SC5D: variants seen among roughly 807,000 people sequenced by gnomAD.
The protein encoded by SC5D is sterol-C5-desaturase.
SC5D carries 21 observed loss-of-function variants against 23.9 expected under a neutral mutation model. The ratio of observed to expected loss-of-function variants is 0.88; its 90% CI spans 0.62 to 1.26. The LOEUF (loss-of-function observed/expected upper bound fraction) is 1.26, where lower values mean the gene tolerates loss of function less well. Among genes scored for constraint, SC5D ranks in the 50% most tolerant of loss-of-function variants. SC5D has a pLI of 0.00. For missense variants in SC5D, 309 were observed against 364.8 expected, an observed-to-expected ratio of 0.85 and a Z score of 1.25; for synonymous variants, 113 against 125.9, an observed-to-expected ratio of 0.90 and a Z score of 0.68.
chr11:121,299,087 T>C (rs1292242222), intron 1 of SC5D, among the ~76,000 whole-genome samples: 4 of 152,220 alleles, frequency 2.6e-5, no homozygotes, highest in Admixed American at 6.5e-5. Flanking sequence ...AAGATAGTAA[T>C]AACTACATGA....
At position 121,307,263 on chromosome 11, in the gene SC5D, A is replaced by C. The variant is rs373065072; in HGVS notation, c.651A>C (p.Gln217His). The change falls in exon 5 of 5, where the codon CAA becomes CAC. Residue 217 changes from glutamine (Q) to histidine (H), a missense_variant. Gln to His is a conservative substitution (Grantham distance 24). Transcript: ENST00000264027. ...ATGACGGTGATTTTCGTGTCCCCCAAATCTTACAGCCATTTATTAATGGCT... is the reference window on the plus strand; with the variant it reads ...ATGACGGTGATTTTCGTGTCCCCCACATCTTACAGCCATTTATTAATGGCT... ...SIHDGDFRVP[Q>H]ILQPFINGSA... The C allele has an allele frequency of 6.2e-7, 1 of 1,613,998 alleles. No homozygotes were observed. Among genetic ancestry groups the C allele is most frequent in the Non-Finnish European group, 8.5e-7 (1 of 1,180,014 alleles).
intron 1 of SC5D, among the ~76,000 whole-genome samples, chr11:121,299,916 A>G (rs1224878129): frequency 2.0e-5 from 3 of 152,204 alleles, no homozygotes; most frequent in Non-Finnish European, 4.4e-5. Flanking sequence ...TAAATAATAA[A>G]AAAGAACCAA....
chr11:121,303,728 C>A, intron 2 of SC5D, 143 bp downstream of exon 2: 1 of 646,224 alleles, frequency 1.5e-6, no homozygotes, highest in Non-Finnish European at 2.7e-6. Flanking sequence ...TAGATATTTT[C>A]ATGAGGGTTA....
chr11:121,302,473 GA>G (rs770651990), intron 1 of SC5D, among the ~76,000 whole-genome samples: 443 of 152,292 alleles, frequency 2.9e-3, no homozygotes, highest in Non-Finnish European at 3.8e-3. Context: ...GTATAGAATG[GA>G]CTTAAATATG....
chr11:121,303,286 G>C, intron 1 of SC5D, 80 bp from the exon 2 acceptor site: 1 of 1,041,696 alleles, frequency 9.6e-7, no homozygotes. Flanking sequence ...TCAGGAACTT[G>C]AGATATAGTG....
At chr11:121,302,761 A>G (rs1400290708) in intron 1 of SC5D, among the ~76,000 whole-genome samples, 1 of 152,184 alleles carries the variant, frequency 6.6e-6, no homozygotes, top group Non-Finnish European at 1.5e-5. Flanking sequence ...TATTGATTAG[A>G]GGTAGAGAAA....
intron 4 of SC5D, 54 bp from the exon 5 acceptor site, chr11:121,307,003 G>C (rs1947970597): frequency 4.8e-6 from 7 of 1,451,442 alleles, no homozygotes; most frequent in Non-Finnish European, 6.8e-6. Context: ...AAGCTAAGTT[G>C]AATGTTGCAC....
At chr11:121,299,817 C>G (rs1174788057) in intron 1 of SC5D, among the ~76,000 whole-genome samples, 1 of 152,180 alleles carries the variant, frequency 6.6e-6, no homozygotes, top group Non-Finnish European at 1.5e-5. Context: ...TCACTTGAGC[C>G]CGGGAGGCAG....
In SC5D at chr11:121,307,130, G is replaced by T; in HGVS notation, c.518G>T (p.Gly173Val). 6.2e-7 allele frequency: 1 copy of T among 1,613,998 alleles called. No homozygotes were observed. The highest frequency in any genetic ancestry group is 8.5e-7 in the Non-Finnish European group (1 of 1,179,972). The change falls in exon 5 of 5, where the codon GGC becomes GTC. Residue 173 changes from glycine to valine, a missense_variant. Gly to Val is a moderately radical substitution (Grantham distance 109, BLOSUM62 -3). Coordinates refer to ENST00000264027, the MANE Select transcript of SC5D (RefSeq NM_006918.5). Reference sequence around the variant, plus strand: ...AGTCATGCTTTTCACCCTATTGATGGCTTTCTTCAGAGTCTACCTTACCAT... The same window carrying T: ...AGTCATGCTTTTCACCCTATTGATGTCTTTCTTCAGAGTCTACCTTACCAT... The part of the protein sequence containing the change: ...FASHAFHPID[G>V]FLQSLPYHIY...
chr11:121,297,094 C>T (rs1192784328), intron 1 of SC5D, among the ~76,000 whole-genome samples: 1 of 152,116 alleles, frequency 6.6e-6, no homozygotes, highest in Non-Finnish European at 1.5e-5. Context: ...GATGATATCC[C>T]CTGCTAGTAA....
chr11:121,303,729 A>T, intron 2 of SC5D, 144 bp downstream of exon 2: 2 of 640,722 alleles, frequency 3.1e-6, no homozygotes, highest in Non-Finnish European at 2.7e-6. Context: ...AGATATTTTC[A>T]TGAGGGTTAA....
At chr11:121,304,045 GA>G (rs1438276866) in intron 2 of SC5D, 1 of 323,172 alleles carries the variant, frequency 3.1e-6, no homozygotes, top group East Asian at 8.0e-5. Context: ...ACAGCAAAAA[GA>G]AAAAATAGAG....
rs1171499495 is a variant in SC5D at position 121,312,048 on chromosome 11, A to G, written c.*4536A>G. On this transcript the variant is annotated 3_prime_UTR_variant, in exon 5 of 5. Transcript: ENST00000264027. Reference sequence around the variant, plus strand: ...TATCTTTGTAAGAGTGGTAAAATACATTGTGTTGTTAAATAATTTCATTTA... The same window carrying G: ...TATCTTTGTAAGAGTGGTAAAATACGTTGTGTTGTTAAATAATTTCATTTA... Among the ~76,000 whole-genome samples the G allele has an allele frequency of 6.6e-6, 1 of 152,216 alleles. No individual in the cohort carries two copies. Among genetic ancestry groups the G allele is most frequent in the Non-Finnish European group, 1.5e-5 (1 of 68,024 alleles).
chr11:121,309,155 G>A lies in SC5D; in HGVS notation c.*1643G>A, dbSNP rs1177286580. On this transcript the variant is annotated 3_prime_UTR_variant, in exon 5 of 5. Coordinates refer to ENST00000264027, the MANE Select transcript of SC5D (RefSeq NM_006918.5). ...TCTCTCTCATATGATGTCCCATGTG[G>A]ATGTTTGTGGTCAGTGGACAGCTTT... Among the ~76,000 whole-genome samples, 1 of 152,208 alleles carries A rather than the reference G, an allele frequency of 6.6e-6. No homozygotes were observed. The highest frequency in any genetic ancestry group is 1.5e-5 in the Non-Finnish European group (1 of 68,040).
chr11:121,293,788 GTAAT>G (rs1214033929), intron 1 of SC5D, among the ~76,000 whole-genome samples: 2 of 152,160 alleles, frequency 1.3e-5, no homozygotes, highest in African/African-American at 4.8e-5. Flanking sequence ...GTTATGTAAT[GTAAT>G]TAATTAGCAT....
At position 121,311,517 on chromosome 11, in the gene SC5D, G is replaced by C. The variant is rs1200412466; in HGVS notation, c.*4005G>C. On this transcript the variant is annotated 3_prime_UTR_variant, in exon 5 of 5. Coordinates refer to ENST00000264027, the MANE Select transcript of SC5D (RefSeq NM_006918.5). ...AGATGAATCAGTACTACAAGGACTG[G>C]TTAGAGGGTTGAATGAATCTGTATA... Among the ~76,000 whole-genome samples the C allele has an allele frequency of 1.3e-5, 2 of 152,184 alleles. No individual in the cohort carries two copies. The highest frequency in any genetic ancestry group is 2.4e-5 in the African/African-American group (1 of 41,454).
At chr11:121,305,227 G>A (rs1220626310) in intron 3 of SC5D, 1 of 149,868 alleles carries the variant, frequency 6.7e-6, no homozygotes, top group East Asian at 1.9e-4. Context: ...AGTATTTATT[G>A]AAGGCTGATA....
chr11:121,303,679 A>T (rs1383824027), intron 2 of SC5D, 94 bp downstream of exon 2: 1 of 1,050,908 alleles, frequency 9.5e-7, no homozygotes, highest in African/African-American at 1.6e-5. Flanking sequence ...ATTATATGTA[A>T]CCATTAAATA....
chr11:121,301,606 A>G (rs1947926578), intron 1 of SC5D, among the ~76,000 whole-genome samples: 1 of 152,156 alleles, frequency 6.6e-6, no homozygotes, highest in Non-Finnish European at 1.5e-5. Flanking sequence ...AACTTTACAC[A>G]TCCTAGAAGT....
Sources: allele counts gnomAD v4.1 joint callset (sites outside exome capture counted in the v4.1 genomes callset), GRCh38; gene constraint gnomAD v4.1.1; transcripts MANE v1.5; gene names NCBI Gene and HGNC (gene_info 2026-07-23, HGNC 2026-07-21).